BNC2: variants seen among roughly 807,000 people sequenced by gnomAD.
BNC2 encodes basonuclin zinc finger protein 2.
BNC2 carries 20 observed loss-of-function variants against 76.3 expected under a neutral mutation model. The ratio of observed to expected loss-of-function variants is 0.26; its 90% CI spans 0.18 to 0.38. The LOEUF is 0.38. Among genes scored for constraint, BNC2 ranks in the 10% least tolerant of loss-of-function variants. The pLI is 1.00. For missense variants in BNC2, 1,382 were observed against 1,399.8 expected, an observed-to-expected ratio of 0.99 and a Z score of 0.20; for synonymous variants, 582 against 514.8, an observed-to-expected ratio of 1.13 and a Z score of -1.77.
chr9:16,688,476 A>C (rs972549070), intron 3 of BNC2, among the ~76,000 whole-genome samples: 1 of 152,132 alleles, frequency 6.6e-6, no homozygotes, highest in Non-Finnish European at 1.5e-5. Context: ...ATTTAATATA[A>C]ATTTTAAACT....
intron 1 of BNC2, among the ~76,000 whole-genome samples, chr9:16,858,197 G>A (rs1335074399): frequency 6.6e-6 from 1 of 152,034 alleles, no homozygotes; most frequent in Non-Finnish European, 1.5e-5. Flanking sequence ...TTCCTTTTGA[G>A]GTATTTATAA....
intron 3 of BNC2, among the ~76,000 whole-genome samples, chr9:16,671,412 C>T (rs1186246943): frequency 5.3e-5 from 8 of 152,174 alleles, no homozygotes; most frequent in Admixed American, 4.6e-4. Flanking sequence ...CTGGAGAACA[C>T]ATCTAGCCTT....
intron 6 of BNC2, among the ~76,000 whole-genome samples, chr9:16,422,204 G>A (rs1474399964): frequency 6.6e-6 from 1 of 152,116 alleles, no homozygotes. Flanking sequence ...CTAATTAGAC[G>A]ATGTACCAGC....
At chr9:16,507,151 T>C (rs543955445) in intron 5 of BNC2, among the ~76,000 whole-genome samples, 1 of 152,318 alleles carries the variant, frequency 6.6e-6, no homozygotes, top group South Asian at 2.1e-4. Context: ...ACATCTCATA[T>C]TGTACATAGT....
At chr9:16,691,636 A>C in intron 3 of BNC2, among the ~76,000 whole-genome samples, 1 of 149,732 alleles carries the variant, frequency 6.7e-6, no homozygotes, top group Non-Finnish European at 1.5e-5. Flanking sequence ...CAGCCTCCCG[A>C]GTAGCTGGGA....
At chr9:16,687,882 T>C (rs934550517) in intron 3 of BNC2, among the ~76,000 whole-genome samples, 17 of 152,190 alleles carry the variant, frequency 1.1e-4, no homozygotes, top group African/African-American at 3.9e-4. Flanking sequence ...AGAAATACAC[T>C]GTTTCTAAGA....
At position 16,799,120 on chromosome 9, in the gene BNC2, C is replaced by CT. The variant is rs1037924729; in HGVS notation, c.4-60636dup. Among the ~76,000 whole-genome samples the CT allele has an allele frequency of 3.3e-3, 494 of 151,072 alleles. 3 individuals carry two copies. Among genetic ancestry groups the CT allele is most frequent in the African/African-American group, 9.3e-3 (384 of 41,122 alleles). Reference sequence around the variant, plus strand: ...ATCAGTTATAATGCACATTATTTTCCTTTTTTTTTCCGATTCTACAAGTAA... The same window carrying CT: ...ATCAGTTATAATGCACATTATTTTCCTTTTTTTTTTCCGATTCTACAAGTAA... On this transcript the variant is annotated intron_variant, in intron 1 of 6. Transcript: ENST00000380672.
intron 6 of BNC2, among the ~76,000 whole-genome samples, chr9:16,426,941 G>A (rs887173258): frequency 6.6e-6 from 1 of 152,098 alleles, no homozygotes; most frequent in Non-Finnish European, 1.5e-5. Flanking sequence ...ATATAGCACT[G>A]AACTTTTTAC....
At chr9:16,740,542 G>T (rs1160651482) in intron 1 of BNC2, among the ~76,000 whole-genome samples, 1 of 152,188 alleles carries the variant, frequency 6.6e-6, no homozygotes, top group Admixed American at 6.5e-5. Flanking sequence ...TATTGCAGAG[G>T]AGTTAAGAAG....
At chr9:16,609,040 C>T (rs1820464130) in intron 3 of BNC2, among the ~76,000 whole-genome samples, 1 of 152,172 alleles carries the variant, frequency 6.6e-6, no homozygotes, top group African/African-American at 2.4e-5. Flanking sequence ...ACCTAGAACA[C>T]AGCCTTGTGA....
chr9:16,648,450 A>T (rs545310933), intron 3 of BNC2, among the ~76,000 whole-genome samples: 1 of 152,346 alleles, frequency 6.6e-6, no homozygotes, highest in East Asian at 1.9e-4. Flanking sequence ...GTCAAGAGAG[A>T]TGTGTGTAAT....
At chr9:16,813,435 T>G (rs879662617) in intron 1 of BNC2, among the ~76,000 whole-genome samples, 10 of 151,780 alleles carry the variant, frequency 6.6e-5, no homozygotes, top group Non-Finnish European at 1.3e-4. Context: ...CCGGCTAATT[T>G]TTTGTATTTT....
At chr9:16,655,197 C>A (rs926999105) in intron 3 of BNC2, among the ~76,000 whole-genome samples, 1 of 151,840 alleles carries the variant, frequency 6.6e-6, no homozygotes, top group African/African-American at 2.4e-5. Context: ...AAAATCATTA[C>A]GATACAGCAT....
rs1017407193 is a variant in BNC2, at chr9:16,849,423, A to G, written c.3+21223T>C. ...GCCCAGGCTGGAGTACAGTGGCGCA[A>G]TCTCGGCTCGCTGCAACCTCCACCT... On this transcript the variant is annotated intron_variant, in intron 1 of 6. Coordinates refer to ENST00000380672, the MANE Select transcript of BNC2 (RefSeq NM_017637.6). Among the ~76,000 whole-genome samples, 3 of 144,358 alleles carry G rather than the reference A, an allele frequency of 2.1e-5. No individual in the cohort carries two copies. In the South Asian group the frequency reaches 6.5e-4, roughly 31 times the overall value. The allele number at this position is 144,358 out of a possible 152,430, so 94.7% of individuals were successfully genotyped here. A position where few individuals can be genotyped will look rare whatever the true frequency, so the allele number is the denominator to read the frequency against.
At chr9:16,511,667 A>G (rs1215112692) in intron 5 of BNC2, among the ~76,000 whole-genome samples, 1 of 151,914 alleles carries the variant, frequency 6.6e-6, no homozygotes, top group Non-Finnish European at 1.5e-5. Context: ...GAGCTCAAGG[A>G]ATCCATGGGC....
intron 5 of BNC2, among the ~76,000 whole-genome samples, chr9:16,526,713 C>A (rs947837750): frequency 6.6e-6 from 1 of 152,018 alleles, no homozygotes; most frequent in Non-Finnish European, 1.5e-5. Flanking sequence ...ATTGATATGA[C>A]CATGATATGT....
At chr9:16,465,636 T>A (rs1437491109) in intron 5 of BNC2, among the ~76,000 whole-genome samples, 1 of 152,084 alleles carries the variant, frequency 6.6e-6, no homozygotes, top group Non-Finnish European at 1.5e-5. Context: ...TAATGCCTTA[T>A]AAATATATTA....
intron 2 of BNC2, chr9:16,728,241 G>A: frequency 1.7e-6 from 1 of 572,996 alleles, no homozygotes; most frequent in Non-Finnish European, 3.1e-6. Context: ...GGCGGCACTG[G>A]AGACCCAACC....
chr9:16,575,557 G>T (rs1475908511), intron 4 of BNC2, among the ~76,000 whole-genome samples: 2 of 152,182 alleles, frequency 1.3e-5, no homozygotes, highest in African/African-American at 4.8e-5. Flanking sequence ...ATCAAAAGCT[G>T]CTCAGAGACA....
Sources: allele counts gnomAD v4.1 joint callset (sites outside exome capture counted in the v4.1 genomes callset), GRCh38; gene constraint gnomAD v4.1.1; transcripts MANE v1.5; gene names NCBI Gene and HGNC (gene_info 2026-07-23, HGNC 2026-07-21).